Variants in USH2A observed in about 807,000 individuals in gnomAD.
USH2A encodes the protein usherin, also known as Usher syndrome 2A (autosomal recessive, mild).
Under a neutral mutation model 538.9 loss-of-function variants are expected in USH2A, and 443 were observed. That is an observed-to-expected ratio of 0.82 (90% CI 0.76 to 0.89). The LOEUF (loss-of-function observed/expected upper bound fraction) is 0.89, where lower values mean the gene tolerates loss of function less well. Among genes scored for constraint, USH2A ranks in the 40% least tolerant of loss-of-function variants. The pLI is 0.00. For missense variants in USH2A, 6,633 were observed against 6,324.8 expected, an observed-to-expected ratio of 1.05 and a Z score of -1.65; for synonymous variants, 2,413 against 2,273.5, an observed-to-expected ratio of 1.06 and a Z score of -1.75.
intron 61 of USH2A, among the ~76,000 whole-genome samples, chr1:215,724,220 AAC>A (rs3049512): frequency 0.85 from 126,297 of 147,852 alleles, 54,504 homozygotes; most frequent in Middle Eastern, 0.92. Flanking sequence ...TAGAATGTGA[AAC>A]ACACACACAC....
intron 21 of USH2A, among the ~76,000 whole-genome samples, chr1:216,162,166 T>C (rs1289176746): frequency 6.6e-6 from 1 of 152,030 alleles, no homozygotes; most frequent in Non-Finnish European, 1.5e-5. Context: ...GGTCCTCAAA[T>C]ACCTCATTGT....
At chr1:215,654,082 T>C (rs1256778521) in intron 64 of USH2A, among the ~76,000 whole-genome samples, 3 of 152,204 alleles carry the variant, frequency 2.0e-5, no homozygotes, top group Non-Finnish European at 4.4e-5. Context: ...ATAAATTCTA[T>C]GGCCAAGAGA....
At chr1:216,418,047 T>TAA (rs1435562585) in intron 3 of USH2A, among the ~76,000 whole-genome samples, 1 of 152,098 alleles carries the variant, frequency 6.6e-6, no homozygotes, top group Non-Finnish European at 1.5e-5. Flanking sequence ...GCCTCAAGTG[T>TAA]AAAGTTCATT....
At chr1:215,884,628 T>G (rs1453288783) in intron 41 of USH2A, among the ~76,000 whole-genome samples, 1 of 152,110 alleles carries the variant, frequency 6.6e-6, no homozygotes, top group Non-Finnish European at 1.5e-5. Flanking sequence ...ATATTTTCAT[T>G]ATTATTTTAT....
Position 215,788,965 on chromosome 1 carries a change from A to ACAC in USH2A, c.10182+1091_10182+1093dup, listed in dbSNP as rs758870544. Among the ~76,000 whole-genome samples, 10 of 152,208 alleles carry ACAC rather than the reference A, an allele frequency of 6.6e-5. No homozygotes were observed. In the South Asian group the frequency reaches 2.1e-3, roughly 31 times the overall value. On this transcript the variant is annotated intron_variant, in intron 51 of 71. Coordinates refer to ENST00000307340, the MANE Select transcript of USH2A (RefSeq NM_206933.4). ...ACAAAACAAAAAAACAGGGGAATCA[A>ACAC]CACAGGAAAGAGGTAAAAGGAATTC...
chr1:216,291,794 C>G (rs1369831942), intron 10 of USH2A, among the ~76,000 whole-genome samples: 1 of 152,072 alleles, frequency 6.6e-6, no homozygotes. Context: ...ACATGAGAAT[C>G]CAGACATAAA....
intron 64 of USH2A, among the ~76,000 whole-genome samples, chr1:215,655,429 A>T (rs532093759): frequency 6.6e-6 from 1 of 152,130 alleles, no homozygotes; most frequent in African/African-American, 2.4e-5. Context: ...CCTAATTTTC[A>T]CTTAAGGAGT....
chr1:215,834,263 G>A (rs879433980), intron 47 of USH2A, among the ~76,000 whole-genome samples: 5 of 151,992 alleles, frequency 3.3e-5, no homozygotes, highest in South Asian at 2.1e-4. Flanking sequence ...AACTTTAATC[G>A]TGGTCACGGA....
intron 58 of USH2A, among the ~76,000 whole-genome samples, chr1:215,753,252 G>C (rs1660678897): frequency 6.6e-6 from 1 of 152,112 alleles, no homozygotes; most frequent in South Asian, 2.1e-4. Context: ...AGTCAGTGTG[G>C]CGATTCCTCA....
At chr1:216,273,982 T>C (rs1354367304) in intron 11 of USH2A, among the ~76,000 whole-genome samples, 2 of 152,116 alleles carry the variant, frequency 1.3e-5, no homozygotes, top group African/African-American at 2.4e-5. Context: ...CACAACCAAA[T>C]ATACCAGACC....
chr1:215,950,294 A>G (rs1447490061), intron 37 of USH2A, among the ~76,000 whole-genome samples: 1 of 152,178 alleles, frequency 6.6e-6, no homozygotes. Context: ...ATACTATAGT[A>G]TATTAAGTAC....
At chr1:216,191,721 C>T (rs2034720157) in intron 19 of USH2A, among the ~76,000 whole-genome samples, 1 of 151,754 alleles carries the variant, frequency 6.6e-6, no homozygotes, top group Non-Finnish European at 1.5e-5. Context: ...ATATTCATCC[C>T]TTTTAGAATA....
In USH2A at chr1:215,643,526, CTT is replaced by C. The variant is rs113657135; in HGVS notation, c.14792-2794_14792-2793del. ...TAAAAAAACACAAATAGATAAAATCCTTTTTTTTTTTTTCTTAAAGACCAAGT... is the reference window on the plus strand; with the variant it reads ...TAAAAAAACACAAATAGATAAAATCCTTTTTTTTTTTCTTAAAGACCAAGT... On this transcript the variant is annotated intron_variant, in intron 67 of 71. Coordinates refer to ENST00000307340, the MANE Select transcript of USH2A (RefSeq NM_206933.4). 1.5e-3 allele frequency among the ~76,000 whole-genome samples: 223 copies of C among 144,106 alleles called. 1 individual carries two copies. Among genetic ancestry groups the C allele is most frequent in the African/African-American group, 5.5e-3 (217 of 39,556 alleles). The allele number at this position is 144,106 out of a possible 152,430, so 94.5% of individuals were successfully genotyped here.
intron 38 of USH2A, among the ~76,000 whole-genome samples, chr1:215,910,181 T>G (rs1665744023): frequency 6.6e-6 from 1 of 152,056 alleles, no homozygotes; most frequent in South Asian, 2.1e-4. Flanking sequence ...AAGCTTTTTA[T>G]TATATTAGAT....
At chr1:216,032,585 T>C (rs1378009366) in intron 32 of USH2A, among the ~76,000 whole-genome samples, 2 of 152,174 alleles carry the variant, frequency 1.3e-5, no homozygotes, top group African/African-American at 4.8e-5. Flanking sequence ...TATGATTATC[T>C]TACCTTATAT....
intron 47 of USH2A, among the ~76,000 whole-genome samples, chr1:215,820,507 C>T (rs780812208): frequency 4.0e-5 from 6 of 151,678 alleles, no homozygotes; most frequent in Non-Finnish European, 5.9e-5. Flanking sequence ...GAATTTAATA[C>T]ATTCATATAA....
At chr1:216,118,767 T>TACC (rs2033065365) in intron 21 of USH2A, among the ~76,000 whole-genome samples, 1 of 152,252 alleles carries the variant, frequency 6.6e-6, no homozygotes, top group Non-Finnish European at 1.5e-5. Flanking sequence ...CTTGCTATGA[T>TACC]ACCACCCTTT....
chr1:215,974,877 T>C (rs1314830803), intron 35 of USH2A, among the ~76,000 whole-genome samples: 3 of 152,204 alleles, frequency 2.0e-5, no homozygotes, highest in Non-Finnish European at 4.4e-5. Flanking sequence ...CTGGGTCAAA[T>C]GGTGGTTCTG....
At chr1:215,985,228 T>C (rs1160956643) in intron 35 of USH2A, among the ~76,000 whole-genome samples, 1 of 152,172 alleles carries the variant, frequency 6.6e-6, no homozygotes, top group Non-Finnish European at 1.5e-5. Flanking sequence ...AAATGAAATA[T>C]CAAACAGTTA....
Sources: allele counts gnomAD v4.1 joint callset (sites outside exome capture counted in the v4.1 genomes callset), GRCh38; gene constraint gnomAD v4.1.1; transcripts MANE v1.5; gene names NCBI Gene and HGNC (gene_info 2026-07-23, HGNC 2026-07-21).